Variants in APOBEC3G observed in about 807,000 individuals in gnomAD.
The protein encoded by APOBEC3G is apolipoprotein B mRNA editing enzyme catalytic subunit 3G.
APOBEC3G carries 44 observed loss-of-function variants against 50.0 expected under a neutral mutation model. The ratio of observed to expected loss-of-function variants is 0.88; its 90% CI spans 0.69 to 1.13. The LOEUF (loss-of-function observed/expected upper bound fraction) is 1.13, where lower values mean the gene tolerates loss of function less well. Among genes scored for constraint, APOBEC3G ranks in the 50% most tolerant of loss-of-function variants. The pLI, the probability that APOBEC3G is intolerant of heterozygous loss-of-function variation, is 0.00. For missense variants in APOBEC3G, 469 were observed against 492.0 expected (o/e 0.95, Z 0.44); for synonymous variants, 156 against 175.3 (o/e 0.89, Z 0.87).
chr22:39,087,357 A>G (rs781085039), intron 7 of APOBEC3G, 50 bp from the exon 8 acceptor site: 25 of 1,613,592 alleles, frequency 1.5e-5, no homozygotes, highest in Non-Finnish European at 1.9e-5. Flanking sequence ...CCATATGCCT[A>G]CTTTCCACTC....
At chr22:39,085,939 T>C (rs1353382410) in intron 5 of APOBEC3G, among the ~76,000 whole-genome samples, 1 of 152,118 alleles carries the variant, frequency 6.6e-6, no homozygotes, top group Non-Finnish European at 1.5e-5. Context: ...TGGGGTTTGG[T>C]GCCCCCGTCT....
chr22:39,084,826 C>T (rs1020522797), intron 5 of APOBEC3G, among the ~76,000 whole-genome samples: 2 of 152,226 alleles, frequency 1.3e-5, no homozygotes, highest in Non-Finnish European at 2.9e-5. Flanking sequence ...CAGGCCAGGC[C>T]GAGGGGCCCT....
chr22:39,087,148 C>T, intron 7 of APOBEC3G, 22 bp downstream of exon 7: 1 of 1,613,924 alleles, frequency 6.2e-7, no homozygotes, highest in Non-Finnish European at 8.5e-7. Context: ...TTCCCTCTGC[C>T]CAGTGCCCCA....
rs894274654 is a variant in APOBEC3G, at chr22:39,085,573, T to C, written c.736-706T>C. ...AGAGAAATCTCATCGTAATGGAAAATTAAATTATTTAATAGATTATTGTAA... is the reference window on the plus strand; with the variant it reads ...AGAGAAATCTCATCGTAATGGAAAACTAAATTATTTAATAGATTATTGTAA... On this transcript the variant is annotated intron_variant, in intron 5 of 7. Transcript: ENST00000407997. Among the ~76,000 whole-genome samples the C allele has an allele frequency of 1.1e-4, 17 of 152,250 alleles. 1 individual carries two copies. Among genetic ancestry groups the C allele is most frequent in the African/African-American group, 3.6e-4 (15 of 41,534 alleles).
chr22:39,084,033 G>C, intron 5 of APOBEC3G, 149 bp downstream of exon 5: 2 of 1,086,086 alleles, frequency 1.8e-6, no homozygotes, highest in Non-Finnish European at 2.6e-6. Context: ...CCTGGGGTTG[G>C]GGGAGACTTC....
rs1698458625 is a variant in APOBEC3G, at chr22:39,081,600, C to G, written c.581+15C>G. On this transcript the variant is annotated intron_variant, in intron 4 of 7. Coordinates refer to ENST00000407997, the MANE Select transcript of APOBEC3G (RefSeq NM_021822.4). ...GAGATTCTCAGGTGAGGGTCTCCCT[C>G]CAGGCTCATCGCCTCGCTCCTCTCA... 6.3e-7 allele frequency: 1 copy of G among 1,598,622 alleles called. No individual in the cohort carries two copies.
intron 6 of APOBEC3G, 46 bp downstream of exon 6, chr22:39,086,613 G>T: frequency 6.5e-7 from 1 of 1,545,252 alleles, no homozygotes; most frequent in South Asian, 1.2e-5. Context: ...CAGGGCAGGA[G>T]AGGGCCCCGG....
At chr22:39,078,876 C>T (rs562030501) in intron 1 of APOBEC3G, 56 bp from the exon 2 acceptor site, 214 of 1,602,576 alleles carry the variant, frequency 1.3e-4, no homozygotes, top group South Asian at 2.5e-4. Flanking sequence ...GACATCAGCC[C>T]GGAGGGCCCC....
intron 5 of APOBEC3G, among the ~76,000 whole-genome samples, chr22:39,084,991 T>C (rs1379081278): frequency 1.3e-5 from 2 of 152,162 alleles, no homozygotes; most frequent in East Asian, 1.9e-4. Flanking sequence ...GCTTGGAAGC[T>C]ACTTTCAAAG....
intron 5 of APOBEC3G, 100 bp from the exon 6 acceptor site, chr22:39,086,179 C>G (rs901855447): frequency 1.5e-6 from 2 of 1,351,482 alleles, no homozygotes; most frequent in Non-Finnish European, 1.0e-6. Context: ...TGGTGCATGC[C>G]TGTAATCCTA....
At chr22:39,085,370 G>A (rs895270201) in intron 5 of APOBEC3G, among the ~76,000 whole-genome samples, 1 of 152,166 alleles carries the variant, frequency 6.6e-6, no homozygotes, top group Non-Finnish European at 1.5e-5. Context: ...GGTGGGGCAA[G>A]GGGAATTGAC....
At chr22:39,084,344 G>A (rs766738172) in intron 5 of APOBEC3G, among the ~76,000 whole-genome samples, 2 of 152,134 alleles carry the variant, frequency 1.3e-5, no homozygotes, top group Admixed American at 6.5e-5. Context: ...TGGCTAACAC[G>A]GTGAAACCCC....
Position 39,083,788 on chromosome 22 carries a change from A to G in APOBEC3G, c.639A>G (p.Arg213=). ...TFNFNNEPWV[R]GRHETYLCYE... ...ACTTTAACAATGAACCTTGGGTCAG[A>G]GGACGGCATGAGACTTACCTGTGTT... Residue 213 remains arginine (R), a synonymous_variant, in exon 5 of 8, where the codon AGA becomes AGG. Coordinates refer to ENST00000407997, the MANE Select transcript of APOBEC3G (RefSeq NM_021822.4). The G allele has an allele frequency of 6.2e-7, 1 of 1,614,052 alleles. No individual in the cohort carries two copies. The highest frequency in any genetic ancestry group is 8.5e-7 in the Non-Finnish European group (1 of 1,179,932).
chr22:39,087,416 A>G lies in APOBEC3G; in HGVS notation c.1150A>G (p.Asn384Asp). The change falls in exon 8 of 8, where the codon AAC becomes GAC. Residue 384 changes from asparagine (N) to aspartate (D), a missense_variant. Transcript: ENST00000407997. ...CTCCCTGCTCTTCCAGAATCAGGAAAACTGAAGGATGGGCCTCAGTCTCTA... is the reference window on the plus strand; with the variant it reads ...CTCCCTGCTCTTCCAGAATCAGGAAGACTGAAGGATGGGCCTCAGTCTCTA... ...RLRAILQNQEN is the reference protein window; with the variant it reads ...RLRAILQNQED 2 of 1,613,970 alleles carry G rather than the reference A, an allele frequency of 1.2e-6. No homozygotes were observed. The highest frequency in any genetic ancestry group is 1.3e-5 in the African/African-American group (1 of 75,008).
intron 2 of APOBEC3G, chr22:39,080,687 G>A (rs998056000): frequency 3.1e-5 from 16 of 514,960 alleles, no homozygotes; most frequent in African/African-American, 2.7e-4. Context: ...CACCCACAAA[G>A]GTGCAGTTCC....
At chr22:39,079,265 G>A in intron 2 of APOBEC3G, 180 bp downstream of exon 2, 2 of 887,618 alleles carry the variant, frequency 2.3e-6, no homozygotes, top group African/African-American at 1.7e-5. Context: ...ATCGTGGAGG[G>A]GGTTTGCCTC....
intron 1 of APOBEC3G, among the ~76,000 whole-genome samples, chr22:39,077,725 A>T (rs1163641695): frequency 2.6e-5 from 4 of 152,246 alleles, no homozygotes; most frequent in African/African-American, 9.6e-5. Flanking sequence ...ATTGAACCAA[A>T]GGATGAGTAG....
At position 39,080,960 on chromosome 22, in the gene APOBEC3G, G is replaced by A. The variant is rs967653451; in HGVS notation, c.199G>A (p.Glu67Lys). Residue 67 changes from glutamate to lysine, a missense_variant, in exon 3 of 8, where the codon GAG becomes AAG. By Grantham distance (56) the Glu-to-Lys change is moderately conservative. Transcript: ENST00000407997. ...QVYSELKYHP[E>K]MRFFHWFSKW... ...GTATTCCGAACTTAAGTACCACCCA[G>A]AGATGAGATTCTTCCACTGGTTCAG... 8.7e-6 allele frequency: 14 copies of A among 1,601,894 alleles called. No individual in the cohort carries two copies. The highest frequency in any genetic ancestry group is 1.7e-5 in the Admixed American group (1 of 59,470).
At chr22:39,080,794 C>G in intron 2 of APOBEC3G, 139 bp from the exon 3 acceptor site, 1 of 787,248 alleles carries the variant, frequency 1.3e-6, no homozygotes, top group Non-Finnish European at 2.0e-6. Context: ...ACACTCAAAC[C>G]GAACAGGGGG....
Sources: gnomAD v4.1 joint callset for allele counts (sites outside exome capture counted in the v4.1 genomes callset) on GRCh38, gnomAD v4.1.1 for gene constraint, MANE v1.5 for transcripts, NCBI Gene and HGNC (gene_info 2026-07-23, HGNC 2026-07-21) for gene names.